Variants in PAMR1 observed in about 807,000 individuals in gnomAD.
The protein encoded by PAMR1 is inactive serine protease PAMR1.
A neutral mutation model predicts 81.8 loss-of-function variants in PAMR1; 88 were observed. The ratio of observed to expected loss-of-function variants is 1.08; its 90% CI spans 0.91 to 1.28. The LOEUF is 1.28. PAMR1 is among the 50% of genes most tolerant of loss of function. The pLI is 0.00. For missense variants in PAMR1, 935 were observed against 919.7 expected (o/e 1.02, Z -0.21); for synonymous variants, 336 against 345.3 (o/e 0.97, Z 0.30).
Position 35,435,819 on chromosome 11 carries a change from T to A in PAMR1, c.1333+84A>T. The A allele has an allele frequency of 3.0e-6, 3 of 997,150 alleles. No individual in the cohort carries two copies. In the Admixed American group the frequency reaches 5.5e-5, roughly 18 times the overall value. The allele number at this position is 997,150 out of a possible 1,614,324, so 61.8% of individuals were successfully genotyped here. A position where few individuals can be genotyped will look rare whatever the true frequency, so the allele number is the denominator to read the frequency against. The stretch of plus-strand genomic sequence containing the variant: ...ACTAGAGAAAGCACTGGAGATGCTC[T>A]CCCAAAAAGTAGGGTTAATGGTTTT... On this transcript the variant is annotated intron_variant, in intron 9 of 10. Transcript: ENST00000619888.
At chr11:35,441,318 C>G (rs779010834) in intron 7 of PAMR1, among the ~76,000 whole-genome samples, 163 bp downstream of exon 7, 1 of 151,700 alleles carries the variant, frequency 6.6e-6, no homozygotes, top group Non-Finnish European at 1.5e-5. Context: ...AAAAAAGAAG[C>G]AAATATTTTT....
chr11:35,445,880 T>C (rs1043898099), intron 6 of PAMR1, among the ~76,000 whole-genome samples: 2 of 152,194 alleles, frequency 1.3e-5, no homozygotes, highest in African/African-American at 2.4e-5. Flanking sequence ...TCCTTTTCCA[T>C]TGTTTTGAAT....
chr11:35,519,562 CA>C (rs1413202972), intron 1 of PAMR1, among the ~76,000 whole-genome samples: 2 of 152,152 alleles, frequency 1.3e-5, no homozygotes, highest in African/African-American at 4.8e-5. Context: ...TACATGACAC[CA>C]TGGACAGCTG....
chr11:35,522,256 A>G (rs1300842425), intron 1 of PAMR1, among the ~76,000 whole-genome samples: 5 of 152,190 alleles, frequency 3.3e-5, no homozygotes, highest in Non-Finnish European at 7.3e-5. Context: ...CAGTGGCATA[A>G]GTACATTCAT....
chr11:35,501,794 C>G lies in PAMR1; in HGVS notation c.74-7522G>C, dbSNP rs79542562. ...CTTTCGTATAAATAAATAATATTCCCTTATATATAGGCACCACATTTTCTT... is the reference window on the plus strand; with the variant it reads ...CTTTCGTATAAATAAATAATATTCCGTTATATATAGGCACCACATTTTCTT... On this transcript the variant is annotated intron_variant, in intron 1 of 10. Coordinates refer to ENST00000619888, the MANE Select transcript of PAMR1 (RefSeq NM_001001991.3). 3.3e-3 allele frequency among the ~76,000 whole-genome samples: 501 copies of G among 152,224 alleles called. 4 individuals carry two copies. The highest frequency in any genetic ancestry group is 4.4e-3 in the Non-Finnish European group (300 of 68,018).
chr11:35,468,353 T>C (rs1856793793), intron 5 of PAMR1, among the ~76,000 whole-genome samples: 1 of 152,182 alleles, frequency 6.6e-6, no homozygotes, highest in Non-Finnish European at 1.5e-5. Flanking sequence ...GCTCCTATAG[T>C]CTGAAGACCA....
chr11:35,515,865 T>G, intron 1 of PAMR1, among the ~76,000 whole-genome samples: 1 of 150,946 alleles, frequency 6.6e-6, no homozygotes, highest in Non-Finnish European at 1.5e-5. Flanking sequence ...TCTGACAGAG[T>G]CACAGATGAA....
At chr11:35,447,157 GC>G (rs1378434785) in intron 6 of PAMR1, among the ~76,000 whole-genome samples, 4 of 149,440 alleles carry the variant, frequency 2.7e-5, no homozygotes, top group Middle Eastern at 3.5e-3. Flanking sequence ...TGCAGCCCCT[GC>G]TTTTTTCTGC....
chr11:35,464,689 G>A (rs7112485), intron 6 of PAMR1, among the ~76,000 whole-genome samples: 51,754 of 152,038 alleles, frequency 0.34, 9,103 homozygotes, highest in African/African-American at 0.44. Context: ...CAGAAAAAAA[G>A]GTCTAGAAGA....
intron 6 of PAMR1, among the ~76,000 whole-genome samples, chr11:35,467,394 G>A (rs1286321318): frequency 1.3e-5 from 2 of 152,136 alleles, no homozygotes; most frequent in African/African-American, 4.8e-5. Context: ...TTGTCCTTAT[G>A]CACATCACAT....
At chr11:35,476,793 G>A (rs1407765556) in intron 3 of PAMR1, among the ~76,000 whole-genome samples, 2 of 151,890 alleles carry the variant, frequency 1.3e-5, no homozygotes, top group Admixed American at 1.3e-4. Flanking sequence ...GTTATTTGCA[G>A]CTCTGCCTTG....
chr11:35,440,601 C>T (rs1856144482), intron 7 of PAMR1, among the ~76,000 whole-genome samples: 1 of 152,134 alleles, frequency 6.6e-6, no homozygotes, highest in Admixed American at 6.5e-5. Flanking sequence ...TCATTGTGGC[C>T]TGCCCCCAAA....
intron 1 of PAMR1, among the ~76,000 whole-genome samples, chr11:35,509,637 T>C (rs1183896149): frequency 6.6e-6 from 1 of 152,246 alleles, no homozygotes; most frequent in East Asian, 1.9e-4. Context: ...TTAACCCAAC[T>C]CCTTCACTTT....
chr11:35,500,468 G>A (rs1422667620), intron 1 of PAMR1, among the ~76,000 whole-genome samples: 1 of 152,190 alleles, frequency 6.6e-6, no homozygotes, highest in Non-Finnish European at 1.5e-5. Context: ...GGTGCTCACA[G>A]TTCAATAGAG....
At chr11:35,468,842 G>C (rs1296339645) in intron 5 of PAMR1, among the ~76,000 whole-genome samples, 1 of 152,200 alleles carries the variant, frequency 6.6e-6, no homozygotes, top group Non-Finnish European at 1.5e-5. Context: ...ACATTCATCT[G>C]TGTGTTATCC....
chr11:35,506,214 A>G (rs1850951937), intron 1 of PAMR1, among the ~76,000 whole-genome samples: 1 of 151,348 alleles, frequency 6.6e-6, no homozygotes. Context: ...CTCAATTTAC[A>G]TATTTTTACA....
intron 7 of PAMR1, 36 bp downstream of exon 7, chr11:35,441,445 C>T (rs1444275558): frequency 1.3e-6 from 2 of 1,489,022 alleles, no homozygotes; most frequent in African/African-American, 1.4e-5. Context: ...GCAACTTCAT[C>T]AATGTCCGTA....
At chr11:35,527,007 G>A (rs1851405932), upstream of PAMR1, among the ~76,000 whole-genome samples, 2 of 152,314 alleles carry the variant, frequency 1.3e-5, no homozygotes, top group South Asian at 4.1e-4. Flanking sequence ...TAAGGATTAA[G>A]AAATGGAAGT....
intron 6 of PAMR1, among the ~76,000 whole-genome samples, chr11:35,446,013 A>G (rs1230311931): frequency 6.6e-6 from 1 of 152,076 alleles, no homozygotes; most frequent in Admixed American, 6.6e-5. Context: ...TTTCAGAACT[A>G]GTTATTGGTC....
Sources: allele counts gnomAD v4.1 joint callset (sites outside exome capture counted in the v4.1 genomes callset), GRCh38; gene constraint gnomAD v4.1.1; transcripts MANE v1.5; gene names NCBI Gene and HGNC (gene_info 2026-07-23, HGNC 2026-07-21).